The following GGTA1 variants were observed in gnomAD, a reference collection of about 807,000 sequenced individuals.
GGTA1 encodes the protein glycoprotein alpha-galactosyltransferase 1 (inactive), also known as inactive N-acetyllactosaminide alpha-1,3-galactosyltransferase.
GGTA1 carries 5 observed loss-of-function variants against 2.6 expected under a neutral mutation model. That is an observed-to-expected ratio of 1.92 (90% CI 1.00 to 4.04). GGTA1 has a LOEUF of 4.04. Ranked by LOEUF, GGTA1 falls within the 30% of genes most tolerant of loss-of-function variation. The pLI, the probability that GGTA1 is intolerant of heterozygous loss-of-function variation, is 0.00. For synonymous variants in GGTA1, 17 were observed against 5.0 expected (o/e 3.38, Z -3.19); for missense variants, 50 against 16.7 (o/e 2.99, Z -3.47).
intron 1 of GGTA1, among the ~76,000 whole-genome samples, chr9:121,474,772 T>C (rs1201410733): frequency 6.6e-6 from 1 of 152,002 alleles, no homozygotes; most frequent in Non-Finnish European, 1.5e-5. Flanking sequence ...GAAAAGCCAT[T>C]ATCTCAGAGA....
At chr9:121,473,793 T>G (rs1394083380) in intron 1 of GGTA1, among the ~76,000 whole-genome samples, 1 of 152,022 alleles carries the variant, frequency 6.6e-6, no homozygotes, top group African/African-American at 2.4e-5. Flanking sequence ...GGTGCATACC[T>G]GTAGTCCCAG....
intron 1 of GGTA1, among the ~76,000 whole-genome samples, chr9:121,484,992 C>T (rs948786472): frequency 6.6e-6 from 1 of 152,202 alleles, no homozygotes; most frequent in Non-Finnish European, 1.5e-5. Flanking sequence ...TTCTCCAGGA[C>T]ATTAACTCAC....
intron 7 of GGTA1, among the ~76,000 whole-genome samples, chr9:121,448,045 T>C (rs1242824168): frequency 6.6e-6 from 1 of 152,234 alleles, no homozygotes; most frequent in African/African-American, 2.4e-5. Flanking sequence ...GGTGCCTGGA[T>C]GCTTAAGTCT....
At chr9:121,479,943 C>T (rs7035052) in intron 1 of GGTA1, among the ~76,000 whole-genome samples, 142,117 of 152,280 alleles carry the variant, frequency 0.93, 66,712 homozygotes, top group Non-Finnish European at 0.99. Flanking sequence ...ACTCCGCTCT[C>T]TGGCTGAATA....
intron 1 of GGTA1, among the ~76,000 whole-genome samples, chr9:121,472,994 T>C (rs1828424618): frequency 6.6e-6 from 1 of 152,186 alleles, no homozygotes; most frequent in Admixed American, 6.5e-5. Flanking sequence ...TGAATCTGCC[T>C]GCTTTTTTGC....
At chr9:121,473,319 CAAAA>C (rs10712323) in intron 1 of GGTA1, among the ~76,000 whole-genome samples, 6 of 96,386 alleles carry the variant, frequency 6.2e-5, no homozygotes, top group Admixed American at 1.2e-4. Flanking sequence ...GACTCCATCT[CAAAA>C]AAAAAAAAAA....
chr9:121,498,761 G>T (rs1435896669), intron 1 of GGTA1, among the ~76,000 whole-genome samples: 1 of 152,192 alleles, frequency 6.6e-6, no homozygotes, highest in Admixed American at 6.5e-5. Context: ...CCTTCCTGCC[G>T]GAGGAGCGGC....
At chr9:121,453,599 G>T (rs370636845), downstream of GGTA1, among the ~76,000 whole-genome samples, 36 of 152,316 alleles carry the variant, frequency 2.4e-4, no homozygotes, top group African/African-American at 8.4e-4. Flanking sequence ...GCATTTGCTT[G>T]TACTTTACTG....
At position 121,477,342 on chromosome 9, in the gene GGTA1, G is replaced by A. The variant is rs575817208; in HGVS notation, c.-9-9411C>T. ...TTATTGGAAATGATTCTAGAAAACT[G>A]TTGTCAGATAATGTGGCAGTCAAAG... On this transcript the variant is annotated intron_variant, in intron 1 of 5. Transcript: ENST00000481799. Among the ~76,000 whole-genome samples, 20 of 152,292 alleles carry A rather than the reference G, an allele frequency of 1.3e-4. 1 individual carries two copies. The highest frequency in any genetic ancestry group is 5.9e-4 in the Admixed American group (9 of 15,292).
intron 1 of GGTA1, among the ~76,000 whole-genome samples, chr9:121,472,957 A>T (rs1828424139): frequency 6.6e-6 from 1 of 152,102 alleles, no homozygotes; most frequent in African/African-American, 2.4e-5. Flanking sequence ...CTTGAAGCCC[A>T]CTTCTTTCTG....
chr9:121,483,920 A>G (rs1262805764), intron 1 of GGTA1, among the ~76,000 whole-genome samples: 1 of 152,230 alleles, frequency 6.6e-6, no homozygotes, highest in African/African-American at 2.4e-5. Context: ...AAACATGTTT[A>G]GAGAGGTAGA....
intron 1 of GGTA1, among the ~76,000 whole-genome samples, chr9:121,495,469 C>A (rs919611098): frequency 6.6e-6 from 1 of 152,136 alleles, no homozygotes; most frequent in South Asian, 2.1e-4. Context: ...ATCACTTGAA[C>A]CCGGGAGGCG....
chr9:121,474,833 C>CACAGGCTCCACCTCTCT (rs1554837383), intron 1 of GGTA1, among the ~76,000 whole-genome samples: 10 of 151,788 alleles, frequency 6.6e-5, no homozygotes, highest in African/African-American at 1.7e-4. Context: ...AAGCCTTCTC[C>CACAGGCTCCACCTCTCT]GCAGGCTAAA....
chr9:121,492,199 G>A (rs767360670), intron 1 of GGTA1, among the ~76,000 whole-genome samples: 2 of 152,338 alleles, frequency 1.3e-5, no homozygotes, highest in Non-Finnish European at 2.9e-5. Context: ...AAAAACAGCT[G>A]CATTTCCCTT....
chr9:121,460,250 G>A (rs2064949120), intron 4 of GGTA1, 31 bp from the exon 5 acceptor site: 1 of 457,016 alleles, frequency 2.2e-6, no homozygotes, highest in South Asian at 1.5e-5. Context: ...AACCAGGTAA[G>A]GCAGGGAAGG....
intron 3 of GGTA1, among the ~76,000 whole-genome samples, chr9:121,461,975 C>T (rs2064963736): frequency 6.6e-6 from 1 of 152,216 alleles, no homozygotes; most frequent in Non-Finnish European, 1.5e-5. Context: ...TACTTAGAAG[C>T]CACTGTAGCC....
At chr9:121,463,383 G>T (rs1484333321) in intron 2 of GGTA1, 55 bp from the exon 3 acceptor site, 3 of 445,474 alleles carry the variant, frequency 6.7e-6, no homozygotes, top group Non-Finnish European at 1.3e-5. Context: ...TCTGAGAAAG[G>T]CGATTTTGTA....
At chr9:121,474,344 C>T (rs1405674046) in intron 1 of GGTA1, among the ~76,000 whole-genome samples, 1 of 152,226 alleles carries the variant, frequency 6.6e-6, no homozygotes, top group East Asian at 1.9e-4. Flanking sequence ...GCCTGCACTG[C>T]TTCCCAAATG....
At chr9:121,483,344 C>T in intron 1 of GGTA1, among the ~76,000 whole-genome samples, 1 of 152,230 alleles carries the variant, frequency 6.6e-6, no homozygotes, top group East Asian at 1.9e-4. Context: ...AATAAGGCTC[C>T]TGGCTGGTCA....
Sources: gnomAD v4.1 joint callset for allele counts (sites outside exome capture counted in the v4.1 genomes callset) on GRCh38, gnomAD v4.1.1 for gene constraint, MANE v1.5 for transcripts, NCBI Gene and HGNC (gene_info 2026-07-23, HGNC 2026-07-21) for gene names.